Variants in MYO1D observed in about 807,000 individuals in gnomAD.
MYO1D encodes unconventional myosin-Id.
In MYO1D, 83 loss-of-function variants were observed where a neutral mutation model predicts 122.0. That is an observed-to-expected ratio of 0.68 (90% CI 0.57 to 0.82). The LOEUF (loss-of-function observed/expected upper bound fraction) is 0.82, where lower values mean the gene tolerates loss of function less well. Among genes scored for constraint, MYO1D ranks in the 40% least tolerant of loss-of-function variants. The probability of loss-of-function intolerance (pLI) is 0.00; values close to 1 mark genes in which losing one functional copy is unlikely to be tolerated. For missense variants in MYO1D, 1,157 were observed against 1,269.5 expected (o/e 0.91, Z 1.35); for synonymous variants, 464 against 446.9 (o/e 1.04, Z -0.48).
chr17:32,689,292 A>T (rs1337484354), intron 16 of MYO1D, among the ~76,000 whole-genome samples: 1 of 152,198 alleles, frequency 6.6e-6, no homozygotes, highest in Admixed American at 6.5e-5. Context: ...TGTCACCAAC[A>T]TATTTTCTAT....
chr17:32,610,572 A>G, intron 20 of MYO1D, among the ~76,000 whole-genome samples: 1 of 152,118 alleles, frequency 6.6e-6, no homozygotes, highest in African/African-American at 2.4e-5. Context: ...TTATTGGGGC[A>G]TCTGTCTCCT....
chr17:32,519,478 C>G (rs187815761), intron 21 of MYO1D: 1 of 152,356 alleles, frequency 6.6e-6, no homozygotes. Flanking sequence ...CTGGCGGCGG[C>G]GGCGGGGGCG....
intron 21 of MYO1D, among the ~76,000 whole-genome samples, chr17:32,598,373 CA>C (rs1567903588): frequency 6.6e-6 from 1 of 151,072 alleles, no homozygotes; most frequent in African/African-American, 2.4e-5. Flanking sequence ...GACTCTGTTT[CA>C]AAAAAGAAAA....
At chr17:32,586,388 A>G (rs549792449) in intron 21 of MYO1D, among the ~76,000 whole-genome samples, 8 of 152,148 alleles carry the variant, frequency 5.3e-5, no homozygotes, top group Non-Finnish European at 8.8e-5. Flanking sequence ...AGGCTTTCCT[A>G]TTCCCTATGT....
At chr17:32,733,581 A>G (rs2089664496) in intron 14 of MYO1D, among the ~76,000 whole-genome samples, 1 of 152,112 alleles carries the variant, frequency 6.6e-6, no homozygotes. Flanking sequence ...TTAAAGACTC[A>G]CCATTGTGTG....
intron 19 of MYO1D, among the ~76,000 whole-genome samples, chr17:32,652,852 T>C (rs115737253): frequency 6.6e-6 from 1 of 152,166 alleles, no homozygotes; most frequent in Non-Finnish European, 1.5e-5. Flanking sequence ...AGAAATAATG[T>C]AGGTATAGGC....
At chr17:32,527,478 C>T (rs1005874621) in intron 21 of MYO1D, among the ~76,000 whole-genome samples, 1 of 152,314 alleles carries the variant, frequency 6.6e-6, no homozygotes, top group East Asian at 1.9e-4. Flanking sequence ...AGAAGCAAGA[C>T]ATTTCCTGCG....
intron 21 of MYO1D, among the ~76,000 whole-genome samples, chr17:32,595,295 T>C (rs934828099): frequency 2.6e-5 from 4 of 152,188 alleles, no homozygotes; most frequent in Non-Finnish European, 5.9e-5. Context: ...TAACAATTTA[T>C]TGCATATTTT....
rs781781424 is a variant in MYO1D at position 32,748,980 on chromosome 17, C to T, written c.1494G>A (p.Glu498=). ...RKLCASDKIL[E]FDRDFRIRHY... The stretch of plus-strand genomic sequence containing the variant: ...GTCGAATTCGAAAATCTCGATCAAA[C>T]TCCAGAATTTTGTCTGAGGCACAGA... Residue 498 remains glutamate, a synonymous_variant, in exon 12 of 22, where the codon GAG becomes GAA. Transcript: ENST00000318217. 1 of 1,613,858 alleles carries T rather than the reference C, an allele frequency of 6.2e-7. No individual in the cohort carries two copies. Among genetic ancestry groups the T allele is most frequent in the South Asian group, 1.1e-5 (1 of 91,074 alleles).
chr17:32,533,734 C>T (rs546632263), intron 21 of MYO1D, among the ~76,000 whole-genome samples: 146 of 152,320 alleles, frequency 9.6e-4, no homozygotes, highest in Non-Finnish European at 1.7e-3. Context: ...GTGCTGAGCT[C>T]TCTGCTCCCT....
At chr17:32,795,868 C>T (rs556951743) in intron 1 of MYO1D, among the ~76,000 whole-genome samples, 2 of 152,168 alleles carry the variant, frequency 1.3e-5, no homozygotes, top group Non-Finnish European at 2.9e-5. Flanking sequence ...AACCTTTGCC[C>T]CGTCCTCACT....
chr17:32,494,345 GGC>G lies in MYO1D; in HGVS notation c.*412_*413del. On this transcript the variant is annotated 3_prime_UTR_variant, in exon 22 of 22. Coordinates refer to ENST00000318217, the MANE Select transcript of MYO1D (RefSeq NM_015194.3). ...CTGGCTCACCTTGGGCAAGAGAGGT[GGC>G]TATGGGGCTCCCGCAGAGTGGGGTC... 6.1e-6 allele frequency: 1 copy of G among 164,040 alleles called. No homozygotes were observed. The highest frequency in any genetic ancestry group is 1.3e-5 in the Non-Finnish European group (1 of 75,518). 10.2% of individuals were successfully genotyped at this position (164,040 alleles called of 1,614,324 possible).
intron 1 of MYO1D, among the ~76,000 whole-genome samples, chr17:32,872,357 C>A (rs974721444): frequency 2.2e-4 from 34 of 152,028 alleles, no homozygotes; most frequent in Non-Finnish European, 4.0e-4. Context: ...ACTGCCAGCT[C>A]CACCTCCCAG....
intron 1 of MYO1D, among the ~76,000 whole-genome samples, chr17:32,781,299 T>A (rs2090235481): frequency 6.6e-6 from 1 of 152,202 alleles, no homozygotes; most frequent in Non-Finnish European, 1.5e-5. Flanking sequence ...CTGCTCTAAA[T>A]CAAACTTATT....
chr17:32,820,842 T>C (rs1031370339), intron 1 of MYO1D, among the ~76,000 whole-genome samples: 19 of 152,240 alleles, frequency 1.2e-4, no homozygotes, highest in African/African-American at 4.6e-4. Context: ...ACTTTAAGTA[T>C]ATATATTTTT....
At chr17:32,770,860 G>T (rs2090105932) in intron 6 of MYO1D, among the ~76,000 whole-genome samples, 1 of 152,104 alleles carries the variant, frequency 6.6e-6, no homozygotes, top group Non-Finnish European at 1.5e-5. Context: ...ATAGGGATAG[G>T]ATTAAAAATT....
At chr17:32,577,337 G>A (rs1460864606) in intron 21 of MYO1D, among the ~76,000 whole-genome samples, 1 of 151,600 alleles carries the variant, frequency 6.6e-6, no homozygotes, top group Admixed American at 6.6e-5. Context: ...TTGCTACATT[G>A]CCAGGGCTGG....
intron 21 of MYO1D, among the ~76,000 whole-genome samples, chr17:32,507,368 C>T (rs1450284314): frequency 6.6e-6 from 1 of 152,190 alleles, no homozygotes; most frequent in East Asian, 1.9e-4. Flanking sequence ...TGTGCCACTG[C>T]ACTCCAATCT....
intron 1 of MYO1D, among the ~76,000 whole-genome samples, chr17:32,865,443 GT>G (rs1359142387): frequency 6.6e-6 from 1 of 152,158 alleles, no homozygotes; most frequent in African/African-American, 2.4e-5. Flanking sequence ...GTGGTAATGG[GT>G]TTTTTCCCAA....
Sources: gnomAD v4.1 joint callset for allele counts (sites outside exome capture counted in the v4.1 genomes callset) on GRCh38, gnomAD v4.1.1 for gene constraint, MANE v1.5 for transcripts, NCBI Gene and HGNC (gene_info 2026-07-23, HGNC 2026-07-21) for gene names.